The following SLAIN2 variants were observed in gnomAD, a reference collection of about 807,000 sequenced individuals.
The protein encoded by SLAIN2 is SLAIN family member 2, also known as SLAIN motif-containing protein 2.
Under a neutral mutation model 56.6 loss-of-function variants are expected in SLAIN2, and 31 were observed. The observed-to-expected ratio is 0.55, with a 90% CI of 0.41 to 0.74. SLAIN2 has a LOEUF of 0.74. SLAIN2 is among the 30% of genes least tolerant of loss of function. The probability of loss-of-function intolerance (pLI) is 0.00; values close to 1 mark genes in which losing one functional copy is unlikely to be tolerated. For synonymous variants in SLAIN2, 317 were observed against 284.9 expected (o/e 1.11, Z -1.13); for missense variants, 777 against 754.2 (o/e 1.03, Z -0.35).
In SLAIN2 at chr4:48,383,080, A is replaced by C. The variant is rs73246018; in HGVS notation, c.1222+153A>C. On this transcript the variant is annotated intron_variant, in intron 5 of 7. Coordinates refer to ENST00000264313, the MANE Select transcript of SLAIN2 (RefSeq NM_020846.2). ...TGACTTGAGAGGCTGAGGCTGGAGG[A>C]TTGGTTGAGCCCAGGAGTTCAAAGC... Among the ~76,000 whole-genome samples, 357 of 147,616 alleles carry C rather than the reference A, an allele frequency of 2.4e-3. 2 individuals carry two copies. Among genetic ancestry groups the C allele is most frequent in the Non-Finnish European group, 3.7e-3 (249 of 67,176 alleles).
At chr4:48,403,032 G>GGA in intron 6 of SLAIN2, among the ~76,000 whole-genome samples, 2 of 152,288 alleles carry the variant, frequency 1.3e-5, no homozygotes, top group African/African-American at 4.8e-5. Flanking sequence ...TCCTGCATCT[G>GGA]GAGGTATCAC....
chr4:48,419,163 C>T (rs372275375), intron 6 of SLAIN2, among the ~76,000 whole-genome samples: 1 of 151,720 alleles, frequency 6.6e-6, no homozygotes, highest in Admixed American at 6.6e-5. Flanking sequence ...AATGCAGTAC[C>T]GCGATCCCCG....
chr4:48,379,237 C>G (rs1395659418), intron 3 of SLAIN2, among the ~76,000 whole-genome samples: 6 of 151,990 alleles, frequency 3.9e-5, no homozygotes, highest in African/African-American at 1.4e-4. Context: ...TAATTTTATT[C>G]AAATTATAGT....
intron 2 of SLAIN2, among the ~76,000 whole-genome samples, chr4:48,371,080 T>C (rs1715649985): frequency 1.3e-5 from 2 of 151,868 alleles, no homozygotes; most frequent in African/African-American, 2.4e-5. Flanking sequence ...AAAGAAGCCC[T>C]TTTGTTTTTG....
At chr4:48,403,626 C>T (rs6823580) in intron 6 of SLAIN2, among the ~76,000 whole-genome samples, 3,174 of 152,270 alleles carry the variant, frequency 0.021, 118 homozygotes, top group African/African-American at 0.073. Context: ...CTGTGTCAGG[C>T]AGTCTCCAGC....
intron 2 of SLAIN2, 44 bp downstream of exon 2, chr4:48,370,041 T>G: frequency 6.3e-7 from 1 of 1,587,638 alleles, no homozygotes; most frequent in Non-Finnish European, 8.6e-7. Flanking sequence ...TTTGCTTTCT[T>G]TAGTCAAAAA....
In SLAIN2 at chr4:48,342,064, GTGGAGCCGCTGCGGCCCGACGAGC is replaced by G. The variant is rs1211333255; in HGVS notation, c.332_355del (p.Pro111_Glu118del). On this transcript the variant is annotated inframe_deletion, in exon 1 of 8. Coordinates refer to ENST00000264313, the MANE Select transcript of SLAIN2 (RefSeq NM_020846.2). ...GGGCGAGGGCGGCTTGCTGGACGAG[GTGGAGCCGCTGCGGCCCGACGAGC>G]TGGAGCGCCTGTCAGGCTGGGAGGA... 2.2e-6 allele frequency: 3 copies of G among 1,382,038 alleles called. No homozygotes were observed. Among genetic ancestry groups the G allele is most frequent in the Non-Finnish European group, 2.8e-6 (3 of 1,075,978 alleles). 85.6% of individuals were successfully genotyped at this position (1,382,038 alleles called of 1,614,324 possible).
intron 6 of SLAIN2, among the ~76,000 whole-genome samples, chr4:48,407,542 C>G (rs1716730614): frequency 6.6e-6 from 1 of 151,886 alleles, no homozygotes; most frequent in African/African-American, 2.4e-5. Flanking sequence ...GATTTGACTT[C>G]AGTCCTTTTC....
chr4:48,343,546 A>T (rs766535682), intron 1 of SLAIN2, among the ~76,000 whole-genome samples: 1 of 152,230 alleles, frequency 6.6e-6, no homozygotes, highest in African/African-American at 2.4e-5. Flanking sequence ...GAAAGTGTAC[A>T]GTGAATTACC....
intron 1 of SLAIN2, among the ~76,000 whole-genome samples, chr4:48,359,889 C>T (rs1245879978): frequency 3.9e-5 from 6 of 152,218 alleles, no homozygotes; most frequent in Admixed American, 3.9e-4. Context: ...GGCACGGTGG[C>T]TTACGCCTGT....
At chr4:48,375,946 T>C (rs1715798907) in intron 2 of SLAIN2, among the ~76,000 whole-genome samples, 2 of 152,272 alleles carry the variant, frequency 1.3e-5, no homozygotes, top group Admixed American at 6.5e-5. Flanking sequence ...CTCTCAGTTG[T>C]AATGAATTAC....
intron 2 of SLAIN2, among the ~76,000 whole-genome samples, chr4:48,371,551 C>T (rs1715663697): frequency 6.6e-6 from 1 of 152,074 alleles, no homozygotes; most frequent in Non-Finnish European, 1.5e-5. Flanking sequence ...CATTTTCTGA[C>T]CAATTTCTGG....
intron 1 of SLAIN2, among the ~76,000 whole-genome samples, chr4:48,368,145 T>C (rs1715573858): frequency 7.0e-6 from 1 of 142,782 alleles, no homozygotes; most frequent in South Asian, 2.3e-4. Context: ...ACCTCCCAGG[T>C]TCAAGCAGTT....
intron 6 of SLAIN2, among the ~76,000 whole-genome samples, chr4:48,409,092 A>G (rs1201146205): frequency 1.3e-5 from 2 of 152,236 alleles, no homozygotes; most frequent in African/African-American, 2.4e-5. Context: ...TTTATGGAGC[A>G]CATGAGATAT....
intron 6 of SLAIN2, among the ~76,000 whole-genome samples, chr4:48,412,313 G>T (rs1716877732): frequency 1.3e-5 from 2 of 150,772 alleles, no homozygotes; most frequent in Non-Finnish European, 1.5e-5. Context: ...CCCTACCAGG[G>T]TGGAGATATC....
intron 6 of SLAIN2, among the ~76,000 whole-genome samples, chr4:48,395,511 AATTT>A (rs926838462): frequency 1.3e-5 from 2 of 152,142 alleles, no homozygotes; most frequent in African/African-American, 4.8e-5. Flanking sequence ...AGTTTTGGCA[AATTT>A]ATTACTGCAA....
chr4:48,410,955 G>GCTCCTCCTCTTC (rs1205125605), intron 6 of SLAIN2, among the ~76,000 whole-genome samples: 2 of 152,146 alleles, frequency 1.3e-5, no homozygotes, highest in Admixed American at 1.3e-4. Flanking sequence ...AACAGTGATG[G>GCTCCTCCTCTTC]CTCCTCCTCT....
chr4:48,348,420 G>GC (rs1437759396), intron 1 of SLAIN2, among the ~76,000 whole-genome samples: 4 of 152,160 alleles, frequency 2.6e-5, no homozygotes, highest in African/African-American at 9.7e-5. Flanking sequence ...GGGCATGGTG[G>GC]CTCATGCCTG....
At chr4:48,396,068 G>A (rs1444922173) in intron 6 of SLAIN2, among the ~76,000 whole-genome samples, 1 of 151,982 alleles carries the variant, frequency 6.6e-6, no homozygotes, top group Non-Finnish European at 1.5e-5. Context: ...ATTTCATGTT[G>A]CTGTGTTGAT....
Sources: allele counts gnomAD v4.1 joint callset (sites outside exome capture counted in the v4.1 genomes callset), GRCh38; gene constraint gnomAD v4.1.1; transcripts MANE v1.5; gene names NCBI Gene and HGNC (gene_info 2026-07-23, HGNC 2026-07-21).